Variants in TASOR observed in about 807,000 individuals in gnomAD.
TASOR encodes the protein transcription activation suppressor.
A neutral mutation model predicts 178.6 loss-of-function variants in TASOR; 53 were observed. The ratio of observed to expected loss-of-function variants is 0.30; its 90% CI spans 0.24 to 0.37. The LOEUF (loss-of-function observed/expected upper bound fraction) is 0.37. Among genes scored for constraint, TASOR ranks in the 10% least tolerant of loss-of-function variants. TASOR has a pLI of 1.00. For synonymous variants in TASOR, 713 were observed against 696.2 expected (o/e 1.02, Z -0.38); for missense variants, 1,815 against 1,971.4 (o/e 0.92, Z 1.50).
chr3:56,674,354 A>G (rs1313721372), intron 1 of TASOR, among the ~76,000 whole-genome samples: 1 of 151,424 alleles, frequency 6.6e-6, no homozygotes, highest in Non-Finnish European at 1.5e-5. Context: ...TTAAAAAAAA[A>G]AAAAAATTAG....
chr3:56,644,676 C>G (rs939717821), intron 14 of TASOR, among the ~76,000 whole-genome samples: 1 of 144,220 alleles, frequency 6.9e-6, no homozygotes, highest in Non-Finnish European at 1.5e-5. Flanking sequence ...GAACATGATA[C>G]TGAAACGGGT....
At chr3:56,682,611 G>T (rs1420643357) in intron 1 of TASOR, 65 bp downstream of exon 1, 15 of 1,372,544 alleles carry the variant, frequency 1.1e-5, no homozygotes, top group Non-Finnish European at 1.5e-5. Context: ...AGAGGAGATA[G>T]AAAGATTCTA....
intron 21 of TASOR, among the ~76,000 whole-genome samples, chr3:56,625,733 C>T (rs1332274283): frequency 6.6e-6 from 1 of 151,708 alleles, no homozygotes; most frequent in African/African-American, 2.4e-5. Context: ...CGCCGATTCT[C>T]CTGCCTCAGC....
rs200942619 is a variant in TASOR, at chr3:56,623,323, A to T, written c.4727T>A (p.Ile1576Lys). Residue 1576 changes from isoleucine (I) to lysine (K), a missense_variant, in exon 24 of 24, where the codon ATA becomes AAA. Transcript: ENST00000683822. ...GCTGTTCTCTCCTTCAGAGCATACTATATCAATAGAAGTTCTCTCTTCAGA... is the reference window on the plus strand; with the variant it reads ...GCTGTTCTCTCCTTCAGAGCATACTTTATCAATAGAAGTTCTCTCTTCAGA... ...LDSEERTSID[I>K]VCSEGENSNS... The T allele has an allele frequency of 3.7e-6, 6 of 1,613,584 alleles. No homozygotes were observed. The highest frequency in any genetic ancestry group is 2.2e-5 in the South Asian group (2 of 91,078).
At position 56,621,728 on chromosome 3, in the gene TASOR, A is replaced by G; in HGVS notation, c.*1309T>C. The G allele has an allele frequency of 1.5e-6, 1 of 669,636 alleles. No homozygotes were observed. The highest frequency in any genetic ancestry group is 2.4e-6 in the Non-Finnish European group (1 of 409,912). 41.5% of individuals were successfully genotyped at this position (669,636 alleles called of 1,614,324 possible). ...AGCCTAGATTTACTTATTTTTTTAA[A>G]TGCTCATTAAAAACTTGTATACTAT... On this transcript the variant is annotated 3_prime_UTR_variant, in exon 24 of 24. Coordinates refer to ENST00000683822, the MANE Select transcript of TASOR (RefSeq NM_001365635.2).
In TASOR at chr3:56,646,715, C is replaced by T. The variant is rs1174500918; in HGVS notation, c.2022G>A (p.Leu674=). Residue 674 remains leucine, a synonymous_variant, in exon 14 of 24, where the codon TTG becomes TTA. Coordinates refer to ENST00000683822, the MANE Select transcript of TASOR (RefSeq NM_001365635.2). ...CTTTGACTCTATCCTTATCATAATC[C>T]AAAGAATGAGATGATCTTTGCTTTC... ...ISGKQRSSHS[L]DYDKDRVKEL... is the part of the protein sequence containing the mutation. 5.6e-6 allele frequency: 9 copies of T among 1,613,836 alleles called. No homozygotes were observed. Among genetic ancestry groups the T allele is most frequent in the Non-Finnish European group, 7.6e-6 (9 of 1,179,968 alleles).
At chr3:56,638,392 A>C (rs2077058740) in intron 17 of TASOR, among the ~76,000 whole-genome samples, 1 of 152,046 alleles carries the variant, frequency 6.6e-6, no homozygotes, top group Non-Finnish European at 1.5e-5. Flanking sequence ...AAAAAAGAAG[A>C]GTTTATCATA....
intron 1 of TASOR, among the ~76,000 whole-genome samples, chr3:56,678,499 G>A (rs1322754188): frequency 2.0e-5 from 3 of 151,930 alleles, no homozygotes; most frequent in Admixed American, 6.6e-5. Context: ...AGATTTGAAG[G>A]TTGTATTTAT....
At chr3:56,628,701 G>A (rs1672409293) in intron 18 of TASOR, 87 bp from the exon 19 acceptor site, 1 of 821,304 alleles carries the variant, frequency 1.2e-6, no homozygotes, top group Non-Finnish European at 1.9e-6. Flanking sequence ...AAACTGATAA[G>A]CTTAACTACT....
chr3:56,637,573 T>TCA (rs1404938109), intron 17 of TASOR, among the ~76,000 whole-genome samples: 8 of 133,960 alleles, frequency 6.0e-5, no homozygotes, highest in African/African-American at 2.4e-4. Flanking sequence ...ATATATCTGT[T>TCA]GTTCATGGTT....
chr3:56,630,973 G>A lies in TASOR; in HGVS notation c.3747+2071C>T, dbSNP rs562713821. Among the ~76,000 whole-genome samples the A allele has an allele frequency of 4.7e-3, 715 of 152,068 alleles. 6 individuals are homozygous for A. The highest frequency in any genetic ancestry group is 5.6e-3 in the Non-Finnish European group (380 of 67,984). On this transcript the variant is annotated intron_variant, in intron 18 of 23. Coordinates refer to ENST00000683822, the MANE Select transcript of TASOR (RefSeq NM_001365635.2). ...AAGTTGGAGTTATGCTAAGCACACC[G>A]GGAACTGTGCCCAACCTATTCTCTC...
Position 56,621,264 on chromosome 3 carries a change from C to CTTCAT in TASOR, c.*1768_*1772dup, listed in dbSNP as rs1428852331. 7.8e-5 allele frequency: 20 copies of CTTCAT among 256,332 alleles called. No homozygotes were observed. The East Asian group carries it at 1.5e-3, about 19-fold the overall frequency. 15.9% of individuals were successfully genotyped at this position (256,332 alleles called of 1,614,324 possible). A position where few individuals can be genotyped will look rare whatever the true frequency, so the allele number is the denominator to read the frequency against. On this transcript the variant is annotated 3_prime_UTR_variant, in exon 24 of 24. Coordinates refer to ENST00000683822, the MANE Select transcript of TASOR (RefSeq NM_001365635.2). Reference sequence around the variant, plus strand: ...GGGTGGACTGGGGGAGAAGGGATGACTTCATTTACCCCCATAGTTATGGAG... The same window carrying CTTCAT: ...GGGTGGACTGGGGGAGAAGGGATGACTTCATTTCATTTACCCCCATAGTTATGGAG...
chr3:56,647,374 T>C, intron 13 of TASOR, 151 bp from the exon 14 acceptor site: 1 of 506,980 alleles, frequency 2.0e-6, no homozygotes, highest in Admixed American at 3.8e-5. Flanking sequence ...ATATATACAA[T>C]ATAGCAAATA....
chr3:56,643,965 A>T (rs1386691342), intron 14 of TASOR, among the ~76,000 whole-genome samples: 1 of 152,180 alleles, frequency 6.6e-6, no homozygotes, highest in Non-Finnish European at 1.5e-5. Context: ...CTTTCTCATC[A>T]TTTTAATTAT....
At chr3:56,657,626 T>C (rs868406439) in intron 11 of TASOR, among the ~76,000 whole-genome samples, 3 of 152,306 alleles carry the variant, frequency 2.0e-5, no homozygotes, top group Middle Eastern at 6.8e-3. Flanking sequence ...ATTAAGAGAT[T>C]ACAGCAAAGA....
rs1296225483 is a variant in TASOR, at chr3:56,648,856, C to T, written c.1479G>A (p.Leu493=). 1 of 1,611,214 alleles carries T rather than the reference C, an allele frequency of 6.2e-7. No homozygotes were observed. The highest frequency in any genetic ancestry group is 8.5e-7 in the Non-Finnish European group (1 of 1,178,890). ...QTAKSRVLHA[L]FLFQEPRSIV... ...TGCTTCTAGGTTCTTGAAATAGAAA[C>T]AAAGCATGTAGGACTCGAGACTTGG... The change falls in exon 13 of 24, where the codon TTG becomes TTA. Residue 493 remains leucine, a synonymous_variant. Coordinates refer to ENST00000683822, the MANE Select transcript of TASOR (RefSeq NM_001365635.2).
chr3:56,650,683 G>T (rs570194330), intron 11 of TASOR, among the ~76,000 whole-genome samples: 1 of 152,168 alleles, frequency 6.6e-6, no homozygotes, highest in South Asian at 2.1e-4. Flanking sequence ...TGCTGAGGTG[G>T]CCTTGTTTCC....
At position 56,623,482 on chromosome 3, in the gene TASOR, TTGC is replaced by T; in HGVS notation, c.4565_4567del (p.Ser1522del). The stretch of plus-strand genomic sequence containing the variant: ...TTTCTCCCATATTTCTGAATGAAAA[TTGC>T]TGCATACTTCTATATGTGAGATTTC... On this transcript the variant is annotated inframe_deletion, in exon 24 of 24. Coordinates refer to ENST00000683822, the MANE Select transcript of TASOR (RefSeq NM_001365635.2). 1 of 1,613,246 alleles carries T rather than the reference TTGC, an allele frequency of 6.2e-7. No homozygotes were observed.
rs2076816402 is a variant in TASOR, at chr3:56,627,150, T to C, written c.4031-5A>G. On this transcript the variant is annotated splice_region_variant and splice_polypyrimidine_tract_variant and intron_variant, in intron 20 of 23. Coordinates refer to ENST00000683822, the MANE Select transcript of TASOR (RefSeq NM_001365635.2). ...TCAAAAAATTTTTAAGGTTCTCTGT[T>C]AGAGATAATGAAGTTTGTTTTTAAT... 1 of 1,520,148 alleles carries C rather than the reference T, an allele frequency of 6.6e-7. No individual in the cohort carries two copies. The highest frequency in any genetic ancestry group is 2.3e-5 in the East Asian group (1 of 44,378). The allele number at this position is 1,520,148 out of a possible 1,614,324, so 94.2% of individuals were successfully genotyped here.
Sources: gnomAD v4.1 joint callset for allele counts (sites outside exome capture counted in the v4.1 genomes callset) on GRCh38, gnomAD v4.1.1 for gene constraint, MANE v1.5 for transcripts, NCBI Gene and HGNC (gene_info 2026-07-23, HGNC 2026-07-21) for gene names.